MTMR6: variants seen among roughly 807,000 people sequenced by gnomAD.
The protein encoded by MTMR6 is myotubularin related protein 6, also known as phosphatidylinositol-3,5-bisphosphate 3-phosphatase MTMR6.
MTMR6 carries 47 observed loss-of-function variants against 80.1 expected under a neutral mutation model. That is an observed-to-expected ratio of 0.59 (90% CI 0.46 to 0.75). MTMR6 has a LOEUF of 0.75. MTMR6 is among the 30% of genes least tolerant of loss of function. MTMR6 has a pLI of 0.00. For synonymous variants in MTMR6, 254 were observed against 253.0 expected, an observed-to-expected ratio of 1.00 and a Z score of -0.04; for missense variants, 629 against 730.9, an observed-to-expected ratio of 0.86 and a Z score of 1.61.
chr13:25,277,763 C>G (rs1198353352), intron 1 of MTMR6, among the ~76,000 whole-genome samples: 1 of 152,122 alleles, frequency 6.6e-6, no homozygotes, highest in African/African-American at 2.4e-5. Flanking sequence ...CATGTCTGGA[C>G]TTTCAATCCT....
chr13:25,263,792 A>G (rs1212787461), intron 5 of MTMR6, among the ~76,000 whole-genome samples: 3 of 152,190 alleles, frequency 2.0e-5, no homozygotes, highest in Non-Finnish European at 4.4e-5. Flanking sequence ...AGTCTGAGGC[A>G]GGAGAATCAC....
chr13:25,254,318 A>G, intron 10 of MTMR6, 67 bp downstream of exon 10: 1 of 1,139,378 alleles, frequency 8.8e-7, no homozygotes, highest in Non-Finnish European at 1.3e-6. Context: ...AGGAACAGAA[A>G]CATTTTGGCA....
chr13:25,284,123 T>A (rs1403076442), intron 1 of MTMR6, among the ~76,000 whole-genome samples: 3 of 152,202 alleles, frequency 2.0e-5, no homozygotes, highest in African/African-American at 7.2e-5. Context: ...ATAAATATTA[T>A]TTATTTATGA....
chr13:25,257,503 C>G (rs1344639259), intron 8 of MTMR6, among the ~76,000 whole-genome samples, 182 bp from the exon 9 acceptor site: 1 of 138,904 alleles, frequency 7.2e-6, no homozygotes, highest in Non-Finnish European at 1.5e-5. Context: ...AGCAAACAAA[C>G]AAAAAAAAAA....
At position 25,251,382 on chromosome 13, in the gene MTMR6, A is replaced by G. The variant is rs1429384141; in HGVS notation, c.1605+267T>C. On this transcript the variant is annotated intron_variant, in intron 13 of 13. Transcript: ENST00000381801. This position sits in a 1 kb window ranked among gnomAD's most constrained non-coding sequence, Gnocchi z 4.1. The stretch of plus-strand genomic sequence containing the variant: ...TGAGGCATATATAGTAAATGTTAAA[A>G]TCCCACAAAAGCTAGCTGGTGGGTA... Among the ~76,000 whole-genome samples the G allele has an allele frequency of 6.6e-6, 1 of 152,192 alleles. No individual in the cohort carries two copies. The highest frequency in any genetic ancestry group is 6.5e-5 in the Admixed American group (1 of 15,270).
At position 25,258,690 on chromosome 13, in the gene MTMR6, C is replaced by T. The variant is rs545089333; in HGVS notation, c.729G>A (p.Leu243=). The change falls in exon 7 of 14, where the codon CTG becomes CTA. Residue 243 remains leucine (L), a splice_region_variant and synonymous_variant. Transcript: ENST00000381801. Reference sequence around the variant, plus strand: ...CAGCTGCTCTGTTGGCCATTGCATTCAGCTAAAATTAAAAGTTTTAGAAAT... The same window carrying T: ...CAGCTGCTCTGTTGGCCATTGCATTTAGCTAAAATTAAAAGTTTTAGAAAT... The part of the protein sequence containing the change: ...YMYVMDTRPK[L]NAMANRAAGK... The T allele has an allele frequency of 2.6e-6, 4 of 1,540,786 alleles. No individual in the cohort carries two copies. The South Asian group carries it at 5.0e-5, about 19-fold the overall frequency.
rs573538224 is a variant in MTMR6, at chr13:25,259,626, ACAAT to A, written c.727-938_727-935del. ...ACTTGAGTTACATTTAACTAGTAAAACAATCAAAGAATGATATATTTTCTGTGAA... is the reference window on the plus strand; with the variant it reads ...ACTTGAGTTACATTTAACTAGTAAAACAAAGAATGATATATTTTCTGTGAA... On this transcript the variant is annotated intron_variant, in intron 6 of 13. Transcript: ENST00000381801. Among the ~76,000 whole-genome samples, 278 of 152,282 alleles carry A rather than the reference ACAAT, an allele frequency of 1.8e-3. 2 individuals carry two copies. The highest frequency in any genetic ancestry group is 6.0e-3 in the African/African-American group (249 of 41,564).
intron 11 of MTMR6, among the ~76,000 whole-genome samples, chr13:25,252,743 T>TA (rs1957118021): frequency 4.4e-5 from 1 of 22,664 alleles, no homozygotes; most frequent in Admixed American, 4.6e-4. Flanking sequence ...GGAAAAGAGT[T>TA]ACCTCTGTGC....
intron 5 of MTMR6, among the ~76,000 whole-genome samples, chr13:25,262,240 C>T (rs183725106): frequency 1.3e-5 from 2 of 152,222 alleles, no homozygotes; most frequent in East Asian, 1.9e-4. Context: ...AATTAGAAAT[C>T]GGCAATCTTA....
intron 9 of MTMR6, among the ~76,000 whole-genome samples, chr13:25,254,947 T>C (rs988500230): frequency 3.3e-5 from 5 of 152,170 alleles, no homozygotes; most frequent in African/African-American, 1.2e-4. Context: ...CTTACTTGAG[T>C]TCATGTTCAG....
Position 25,257,308 on chromosome 13 carries a change from T to C in MTMR6, c.983A>G (p.Glu328Gly). Residue 328 changes from glutamate to glycine, a missense_variant, in exon 9 of 14, where the codon GAA becomes GGA. Glu to Gly is a moderately conservative substitution (Grantham distance 98). Transcript: ENST00000381801. ...AIFLAKAITVENASVLVHCSD... is the reference protein window; with the variant it reads ...AIFLAKAITVGNASVLVHCSD... ...ACAATGCACCAACACACTTGCATTT[T>C]CAACTGTTATTGCCTGAAAAGAAAG... 1 of 1,613,854 alleles carries C rather than the reference T, an allele frequency of 6.2e-7. No homozygotes were observed. The highest frequency in any genetic ancestry group is 8.5e-7 in the Non-Finnish European group (1 of 1,179,862).
In MTMR6 at chr13:25,265,811, C is replaced by T. The variant is rs753076007; in HGVS notation, c.591+8G>A. On this transcript the variant is annotated splice_region_variant and intron_variant, in intron 5 of 13. Coordinates refer to ENST00000381801, the MANE Select transcript of MTMR6 (RefSeq NM_004685.5). ...TTTATTTCTAAAATCAAAAGAAAAG[C>T]ATCCTACCTCCTTATCTTGATGATA... The T allele has an allele frequency of 1.0e-5, 16 of 1,604,808 alleles. No individual in the cohort carries two copies. The African/African-American group carries it at 2.0e-4, about 20-fold the overall frequency.
chr13:25,251,165 C>T lies in MTMR6; in HGVS notation c.1605+484G>A, dbSNP rs902229173. Among the ~76,000 whole-genome samples, 2 of 151,940 alleles carry T rather than the reference C, an allele frequency of 1.3e-5. No individual in the cohort carries two copies. Among genetic ancestry groups the T allele is most frequent in the African/African-American group, 2.4e-5 (1 of 41,382 alleles). ...CCAAGTAGCTGGGATTACAGGCATG[C>T]GCCACCATGCCCGGCTACTTTTTTG... On this transcript the variant is annotated intron_variant, in intron 13 of 13. Transcript: ENST00000381801. This position sits in a 1 kb window ranked among gnomAD's most constrained non-coding sequence, Gnocchi z 4.1.
chr13:25,279,043 A>G (rs991640978), intron 1 of MTMR6, among the ~76,000 whole-genome samples: 1 of 152,212 alleles, frequency 6.6e-6, no homozygotes, highest in Non-Finnish European at 1.5e-5. Context: ...GGGCCAATCT[A>G]TCTGTATCTC....
chr13:25,259,903 C>G lies in MTMR6; in HGVS notation c.727-1211G>C, dbSNP rs531343406. On this transcript the variant is annotated intron_variant, in intron 6 of 13. Coordinates refer to ENST00000381801, the MANE Select transcript of MTMR6 (RefSeq NM_004685.5). ...TAATTATTAATTTTTTTTTTGTCAC[C>G]CAGTCTGGAGTGCAATGGCACAATC... is the stretch of plus-strand genomic sequence containing the variant. 1.6e-3 allele frequency among the ~76,000 whole-genome samples: 243 copies of G among 151,726 alleles called. 2 individuals are homozygous for G. The highest frequency in any genetic ancestry group is 5.6e-3 in the African/African-American group (232 of 41,386).
intron 7 of MTMR6, 29 bp downstream of exon 7, chr13:25,258,531 G>T: frequency 1.3e-6 from 2 of 1,553,606 alleles, no homozygotes; most frequent in South Asian, 1.2e-5. Flanking sequence ...TTTGGACAAG[G>T]GTGTCTAAAA....
At chr13:25,271,421 C>G (rs1382608968) in intron 2 of MTMR6, among the ~76,000 whole-genome samples, 1 of 152,172 alleles carries the variant, frequency 6.6e-6, no homozygotes, top group Non-Finnish European at 1.5e-5. Context: ...ACATTTGAAC[C>G]CAAAGCTACC....
intron 8 of MTMR6, 73 bp from the exon 9 acceptor site, chr13:25,257,394 A>ATTTT: frequency 6.5e-7 from 1 of 1,547,352 alleles, no homozygotes. Flanking sequence ...AAATCATACT[A>ATTTT]GCAGGTATTG....
intron 9 of MTMR6, 67 bp from the exon 10 acceptor site, chr13:25,254,501 T>A: frequency 9.4e-7 from 1 of 1,059,964 alleles, no homozygotes; most frequent in Non-Finnish European, 1.4e-6. Context: ...CTGGATTAAA[T>A]CTTATTAGTT....
Sources: gnomAD v4.1 joint callset for allele counts (sites outside exome capture counted in the v4.1 genomes callset) on GRCh38, gnomAD v4.1.1 for gene constraint, Gnocchi (gnomAD v3.1) non-coding constraint, MANE v1.5 for transcripts, NCBI Gene and HGNC (gene_info 2026-07-23, HGNC 2026-07-21) for gene names.